The following MGAT4C variants were observed in gnomAD, a reference collection of about 807,000 sequenced individuals.
MGAT4C encodes alpha-1,3-mannosyl-glycoprotein 4-beta-N-acetylglucosaminyltransferase C.
MGAT4C carries 19 observed loss-of-function variants against 40.1 expected under a neutral mutation model. The ratio of observed to expected loss-of-function variants is 0.47; its 90% CI spans 0.33 to 0.70. MGAT4C has a LOEUF of 0.70. Ranked by LOEUF, MGAT4C falls within the 30% of genes least tolerant of loss-of-function variation. The pLI is 0.02. For synonymous variants in MGAT4C, 181 were observed against 187.1 expected (o/e 0.97, Z 0.27); for missense variants, 491 against 563.2 (o/e 0.87, Z 1.30).
At chr12:86,163,894 T>C (rs906083016) in intron 1 of MGAT4C, among the ~76,000 whole-genome samples, 2 of 152,178 alleles carry the variant, frequency 1.3e-5, no homozygotes, top group African/African-American at 4.8e-5. Flanking sequence ...TATGATACTT[T>C]AAAATCTTAT....
At chr12:86,176,037 G>A (rs1169482424) in intron 1 of MGAT4C, among the ~76,000 whole-genome samples, 4 of 152,066 alleles carry the variant, frequency 2.6e-5, no homozygotes, top group Admixed American at 2.0e-4. Context: ...CAGTAGTTTT[G>A]GGTGAACCCC....
At chr12:86,163,641 A>C (rs1005933939) in intron 1 of MGAT4C, among the ~76,000 whole-genome samples, 1 of 152,204 alleles carries the variant, frequency 6.6e-6, no homozygotes, top group African/African-American at 2.4e-5. Flanking sequence ...CTTTTAAATA[A>C]AATTACTGCT....
At chr12:86,339,474 T>C (rs905069926) in intron 3 of MGAT4C, among the ~76,000 whole-genome samples, 1 of 152,190 alleles carries the variant, frequency 6.6e-6, no homozygotes, top group Non-Finnish European at 1.5e-5. Context: ...CCTTAAAAGG[T>C]CTACTTCAAA....
rs868582255 is a variant in MGAT4C at position 86,781,577 on chromosome 12, A to C, written c.-261-54336T>G. ...ATGATATTAAAATTTATTCACTGAG[A>C]AACATTTTTATAATACTTATTTTGG... On this transcript the variant is annotated intron_variant, in intron 1 of 7. Transcript: ENST00000548651. 6.1e-4 allele frequency among the ~76,000 whole-genome samples: 93 copies of C among 152,276 alleles called. 1 individual carries two copies. The highest frequency in any genetic ancestry group is 2.2e-3 in the African/African-American group (90 of 41,556).
intron 3 of MGAT4C, among the ~76,000 whole-genome samples, chr12:86,376,800 G>A (rs1955831343): frequency 7.2e-6 from 1 of 138,860 alleles, no homozygotes; most frequent in African/African-American, 2.7e-5. Context: ...CAGAGAGAGA[G>A]AGACAGAGAG....
At chr12:86,720,830 AGAAG>A (rs1950724408) in intron 2 of MGAT4C, among the ~76,000 whole-genome samples, 1 of 152,226 alleles carries the variant, frequency 6.6e-6, no homozygotes, top group South Asian at 2.1e-4. Context: ...TAGAAATTCA[AGAAG>A]ATAATTAAAA....
chr12:86,545,518 AGAT>A (rs1959188623), intron 2 of MGAT4C, among the ~76,000 whole-genome samples: 1 of 151,918 alleles, frequency 6.6e-6, no homozygotes, highest in Non-Finnish European at 1.5e-5. Context: ...TTGCCAGATT[AGAT>A]GACAAGCAAT....
At chr12:86,838,558 T>C (rs1953087409) in intron 1 of MGAT4C, 1 of 152,200 alleles carries the variant, frequency 6.6e-6, no homozygotes, top group Non-Finnish European at 1.5e-5. Flanking sequence ...CTTCAGTCCA[T>C]ACAGACTACT....
At chr12:86,573,762 A>C (rs2136425020) in intron 2 of MGAT4C, among the ~76,000 whole-genome samples, 1 of 152,114 alleles carries the variant, frequency 6.6e-6, no homozygotes, top group Non-Finnish European at 1.5e-5. Context: ...TTGGCTTGTT[A>C]GAATTTATTA....
chr12:86,050,322 A>G (rs1892778407), intron 1 of MGAT4C, among the ~76,000 whole-genome samples: 1 of 152,052 alleles, frequency 6.6e-6, no homozygotes, highest in African/African-American at 2.4e-5. Flanking sequence ...GGTATTCAGA[A>G]GAAAACTGTG....
At chr12:86,381,000 T>C (rs1363620719) in intron 3 of MGAT4C, among the ~76,000 whole-genome samples, 1 of 152,144 alleles carries the variant, frequency 6.6e-6, no homozygotes, top group Non-Finnish European at 1.5e-5. Context: ...TAGGCAAGAA[T>C]AGCATACATG....
At chr12:86,561,766 C>A (rs1394748994) in intron 2 of MGAT4C, among the ~76,000 whole-genome samples, 1 of 152,168 alleles carries the variant, frequency 6.6e-6, no homozygotes, top group Non-Finnish European at 1.5e-5. Context: ...CCTATTAGAT[C>A]TGTCCCTCTA....
intron 1 of MGAT4C, among the ~76,000 whole-genome samples, chr12:86,789,988 A>T (rs1432099096): frequency 1.3e-5 from 2 of 152,138 alleles, no homozygotes; most frequent in Non-Finnish European, 2.9e-5. Context: ...CAAACTAACC[A>T]TTATAATGTG....
chr12:86,675,840 T>C (rs2136570687), intron 2 of MGAT4C, among the ~76,000 whole-genome samples: 1 of 152,258 alleles, frequency 6.6e-6, no homozygotes, highest in South Asian at 2.1e-4. Flanking sequence ...AAATTTGAAT[T>C]ATTTGCATCT....
chr12:86,619,515 G>T (rs1486645216), intron 2 of MGAT4C, among the ~76,000 whole-genome samples: 1 of 152,038 alleles, frequency 6.6e-6, no homozygotes, highest in Non-Finnish European at 1.5e-5. Flanking sequence ...ACCAAAAAGT[G>T]ATATTATGCT....
At chr12:86,084,595 G>T (rs925116688) in intron 1 of MGAT4C, among the ~76,000 whole-genome samples, 1 of 151,744 alleles carries the variant, frequency 6.6e-6, no homozygotes, top group Non-Finnish European at 1.5e-5. Flanking sequence ...GATGTTAATT[G>T]TCTCCCCACC....
In MGAT4C at chr12:85,966,101, T is replaced by C. The variant is rs1257402788; in HGVS notation, c.*13188A>G. ...TTTACTGTAATTGCATCCAAAATAA[T>C]TCATAAAACATTTATTTTTGTACTA... is the stretch of plus-strand genomic sequence containing the variant. On this transcript the variant is annotated 3_prime_UTR_variant, in exon 5 of 5. Transcript: ENST00000611864. 1 of 152,192 alleles carries C rather than the reference T, an allele frequency of 6.6e-6. No homozygotes were observed. Among genetic ancestry groups the C allele is most frequent in the African/African-American group, 2.4e-5 (1 of 41,448 alleles). The allele number at this position is 152,192 out of a possible 1,614,324, so 9.4% of individuals were successfully genotyped here.
chr12:86,764,550 C>T (rs1383670095), intron 1 of MGAT4C, among the ~76,000 whole-genome samples: 2 of 68,666 alleles, frequency 2.9e-5, no homozygotes, highest in African/African-American at 1.0e-4. Flanking sequence ...TGAGAACGGG[C>T]AGACTGCCTC....
At position 85,959,784 on chromosome 12, in the gene MGAT4C, T is replaced by A. The variant is rs1883014721; in HGVS notation, c.*19505A>T. On this transcript the variant is annotated 3_prime_UTR_variant, in exon 5 of 5. Coordinates refer to ENST00000611864, the MANE Select transcript of MGAT4C (RefSeq NM_001351288.2). ...TTTCTTCTGGGTTAACTCTTTTTTATGTTAACTGAATCAATTTTGGCTTTG... is the reference window on the plus strand; with the variant it reads ...TTTCTTCTGGGTTAACTCTTTTTTAAGTTAACTGAATCAATTTTGGCTTTG... 1 of 151,900 alleles carries A rather than the reference T, an allele frequency of 6.6e-6. No individual in the cohort carries two copies. Among genetic ancestry groups the A allele is most frequent in the African/African-American group, 2.4e-5 (1 of 41,408 alleles). 9.4% of individuals were successfully genotyped at this position (151,900 alleles called of 1,614,324 possible). A position where few individuals can be genotyped will look rare whatever the true frequency, so the allele number is the denominator to read the frequency against.
Sources: allele counts gnomAD v4.1 joint callset (sites outside exome capture counted in the v4.1 genomes callset), GRCh38; gene constraint gnomAD v4.1.1; transcripts MANE v1.5; gene names NCBI Gene and HGNC (gene_info 2026-07-23, HGNC 2026-07-21).